MBOAT2: variants seen among roughly 807,000 people sequenced by gnomAD.
MBOAT2 encodes membrane-bound glycerophospholipid O-acyltransferase 2.
MBOAT2 carries 28 observed loss-of-function variants against 63.4 expected under a neutral mutation model. That is an observed-to-expected ratio of 0.44 (90% CI 0.33 to 0.61). MBOAT2 has a LOEUF of 0.61. Ranked by LOEUF, MBOAT2 falls within the 20% of genes least tolerant of loss-of-function variation. MBOAT2 has a pLI of 0.03. For synonymous variants in MBOAT2, 211 were observed against 215.6 expected (o/e 0.98, Z 0.19); for missense variants, 470 against 605.8 (o/e 0.78, Z 2.35).
At chr2:8,867,910 A>G (rs1358259717) in intron 9 of MBOAT2, among the ~76,000 whole-genome samples, 1 of 152,188 alleles carries the variant, frequency 6.6e-6, no homozygotes, top group Non-Finnish European at 1.5e-5. Context: ...CATTGCTCTT[A>G]TAAGAAAGAT....
At chr2:8,907,976 G>A (rs993815884) in intron 4 of MBOAT2, among the ~76,000 whole-genome samples, 2 of 151,930 alleles carry the variant, frequency 1.3e-5, no homozygotes, top group African/African-American at 2.4e-5. Context: ...CAGATGACCC[G>A]AGACTAGCCC....
chr2:8,922,689 C>G (rs1441418379), intron 3 of MBOAT2, among the ~76,000 whole-genome samples: 1 of 152,222 alleles, frequency 6.6e-6, no homozygotes, highest in Non-Finnish European at 1.5e-5. Flanking sequence ...GTTCAAAGTT[C>G]CATCCTTTTT....
At chr2:8,886,599 A>ACCCGGGG in intron 5 of MBOAT2, among the ~76,000 whole-genome samples, 1 of 152,238 alleles carries the variant, frequency 6.6e-6, no homozygotes, top group East Asian at 1.9e-4. Flanking sequence ...GAAAAGTTAA[A>ACCCGGGG]GTGTATGAAC....
intron 5 of MBOAT2, among the ~76,000 whole-genome samples, chr2:8,886,869 T>C (rs1050932976): frequency 6.6e-6 from 1 of 152,234 alleles, no homozygotes; most frequent in Non-Finnish European, 1.5e-5. Flanking sequence ...AAGATAATTA[T>C]AGGCTTTTAC....
Position 8,858,201 on chromosome 2 carries a change from T to C in MBOAT2, c.*478A>G, listed in dbSNP as rs1464892007. Reference sequence around the variant, plus strand: ...GTTTCAAATTCCTCCTAAAATCCTTTACAGCACACAACATCAACTACTGCA... The same window carrying C: ...GTTTCAAATTCCTCCTAAAATCCTTCACAGCACACAACATCAACTACTGCA... On this transcript the variant is annotated 3_prime_UTR_variant, in exon 13 of 13. Coordinates refer to ENST00000305997, the MANE Select transcript of MBOAT2 (RefSeq NM_138799.4). 1 of 153,472 alleles carries C rather than the reference T, an allele frequency of 6.5e-6. No individual in the cohort carries two copies. The highest frequency in any genetic ancestry group is 1.9e-4 in the East Asian group (1 of 5,210). The allele number at this position is 153,472 out of a possible 1,614,324, so 9.5% of individuals were successfully genotyped here. A position where few individuals can be genotyped will look rare whatever the true frequency, so the allele number is the denominator to read the frequency against.
At chr2:8,899,602 T>A (rs1351982297) in intron 4 of MBOAT2, among the ~76,000 whole-genome samples, 3 of 152,210 alleles carry the variant, frequency 2.0e-5, no homozygotes, top group Non-Finnish European at 4.4e-5. Flanking sequence ...AGAACCTTTG[T>A]CTTATGGAGC....
At chr2:8,931,324 C>A (rs910635208) in intron 3 of MBOAT2, among the ~76,000 whole-genome samples, 1 of 152,096 alleles carries the variant, frequency 6.6e-6, no homozygotes, top group Admixed American at 6.6e-5. Flanking sequence ...ACATAAATGT[C>A]TTCTTTTGAG....
At chr2:8,930,283 C>T (rs1667224292) in intron 3 of MBOAT2, among the ~76,000 whole-genome samples, 1 of 152,186 alleles carries the variant, frequency 6.6e-6, no homozygotes, top group Non-Finnish European at 1.5e-5. Flanking sequence ...AAAAATCTAA[C>T]ACTGTTCTCA....
At chr2:8,894,623 C>T (rs552201063) in intron 4 of MBOAT2, among the ~76,000 whole-genome samples, 4 of 152,368 alleles carry the variant, frequency 2.6e-5, no homozygotes, top group African/African-American at 9.6e-5. Context: ...ATGGACATGA[C>T]AAGCACACCT....
intron 4 of MBOAT2, among the ~76,000 whole-genome samples, chr2:8,901,503 AC>A (rs981486595): frequency 2.0e-5 from 3 of 152,132 alleles, no homozygotes; most frequent in African/African-American, 7.2e-5. Context: ...TTACCCATGT[AC>A]TATAAAGATG....
intron 3 of MBOAT2, among the ~76,000 whole-genome samples, chr2:8,927,274 C>CTTTA (rs1349098368): frequency 2.6e-5 from 4 of 152,284 alleles, no homozygotes; most frequent in Middle Eastern, 6.8e-3. Context: ...TTCTTAAACA[C>CTTTA]TTTACCCTAT....
At chr2:8,911,790 A>G (rs1460650289) in intron 3 of MBOAT2, among the ~76,000 whole-genome samples, 2 of 152,142 alleles carry the variant, frequency 1.3e-5, no homozygotes, top group Non-Finnish European at 2.9e-5. Context: ...CAGATGCTCA[A>G]TGTTGAACTT....
chr2:8,890,348 G>A (rs773813193), intron 4 of MBOAT2, among the ~76,000 whole-genome samples: 8 of 151,972 alleles, frequency 5.3e-5, no homozygotes, highest in Non-Finnish European at 7.4e-5. Context: ...GTCCTTGTTT[G>A]TTTCCTTCAA....
chr2:8,898,946 G>T (rs1664704379), intron 4 of MBOAT2, among the ~76,000 whole-genome samples: 1 of 152,216 alleles, frequency 6.6e-6, no homozygotes, highest in Non-Finnish European at 1.5e-5. Flanking sequence ...TGACCATTCG[G>T]TTTTTGTACT....
chr2:8,917,164 C>G (rs774346958), intron 3 of MBOAT2, among the ~76,000 whole-genome samples: 1 of 152,120 alleles, frequency 6.6e-6, no homozygotes, highest in Non-Finnish European at 1.5e-5. Context: ...AAAACTAGAA[C>G]TGTAAAACTT....
intron 1 of MBOAT2, among the ~76,000 whole-genome samples, chr2:8,997,586 CATAA>C (rs1274276418): frequency 6.6e-6 from 1 of 152,060 alleles, no homozygotes; most frequent in Non-Finnish European, 1.5e-5. Context: ...AAAATAAAAA[CATAA>C]ATAAATTCCA....
chr2:8,969,126 G>T (rs1186984139), intron 1 of MBOAT2, among the ~76,000 whole-genome samples: 3 of 152,116 alleles, frequency 2.0e-5, no homozygotes, highest in African/African-American at 4.8e-5. Flanking sequence ...AGAGAGAAAG[G>T]TCGGGTTATC....
chr2:8,980,661 T>C lies in MBOAT2; in HGVS notation c.76-22019A>G, dbSNP rs202126849. On this transcript the variant is annotated intron_variant, in intron 1 of 12. Coordinates refer to ENST00000305997, the MANE Select transcript of MBOAT2 (RefSeq NM_138799.4). ...AAAACAACCTTTTTATAAAATATTA[T>C]GCACTATACCACTTCACATCCACCA... Among the ~76,000 whole-genome samples, 40 of 152,262 alleles carry C rather than the reference T, an allele frequency of 2.6e-4. No individual in the cohort carries two copies. The East Asian group carries it at 7.3e-3, about 28-fold the overall frequency.
chr2:8,907,197 A>G (rs1665401111), intron 4 of MBOAT2, among the ~76,000 whole-genome samples: 1 of 152,218 alleles, frequency 6.6e-6, no homozygotes, highest in African/African-American at 2.4e-5. Flanking sequence ...TCTCTTTCAG[A>G]TGGCACAGCT....
Sources: allele counts gnomAD v4.1 joint callset (sites outside exome capture counted in the v4.1 genomes callset), GRCh38; gene constraint gnomAD v4.1.1; transcripts MANE v1.5; gene names NCBI Gene and HGNC (gene_info 2026-07-23, HGNC 2026-07-21).